DGKZ: variants seen among roughly 807,000 people sequenced by gnomAD.
The protein encoded by DGKZ is DAG kinase zeta.
A neutral mutation model predicts 142.5 loss-of-function variants in DGKZ; 45 were observed. The observed-to-expected ratio is 0.32, with a 90% CI of 0.25 to 0.40. The LOEUF (loss-of-function observed/expected upper bound fraction) is 0.40, where lower values mean the gene tolerates loss of function less well. Ranked by LOEUF, DGKZ falls within the 10% of genes least tolerant of loss-of-function variation. The pLI is 1.00. For missense variants in DGKZ, 755 were observed against 1,306.5 expected, an observed-to-expected ratio of 0.58 and a Z score of 6.51; for synonymous variants, 442 against 527.0, an observed-to-expected ratio of 0.84 and a Z score of 2.21.
intron 6 of DGKZ, among the ~76,000 whole-genome samples, chr11:46,371,081 A>G (rs966498359): frequency 6.6e-6 from 1 of 152,156 alleles, no homozygotes; most frequent in Non-Finnish European, 1.5e-5. Context: ...GCGAGACTCC[A>G]TCTCCAAACA....
At chr11:46,345,036 G>A (rs1940484205), upstream of DGKZ, among the ~76,000 whole-genome samples, 1 of 152,224 alleles carries the variant, frequency 6.6e-6, no homozygotes, top group Non-Finnish European at 1.5e-5. The surrounding 1 kb of genome is among the most constrained non-coding windows in gnomAD (Gnocchi z 4.1). Flanking sequence ...GCTAGGAAGA[G>A]AGCGCTCTTT....
At chr11:46,366,069 T>C (rs1365932731) in intron 1 of DGKZ, 2 of 985,270 alleles carry the variant, frequency 2.0e-6, no homozygotes, top group Non-Finnish European at 1.2e-6. Flanking sequence ...GGTCAGAGGC[T>C]GCAGTGACCC....
chr11:46,354,194 G>A (rs1274082214), intron 1 of DGKZ, among the ~76,000 whole-genome samples: 4 of 152,152 alleles, frequency 2.6e-5, no homozygotes, highest in Admixed American at 6.5e-5. Context: ...CCCTCAAGGG[G>A]TCTTTTGTAG....
At chr11:46,339,412 A>G (rs1052617669) in intron 1 of DGKZ, among the ~76,000 whole-genome samples, 1 of 152,150 alleles carries the variant, frequency 6.6e-6, no homozygotes, top group African/African-American at 2.4e-5. Flanking sequence ...GGGTCCATCA[A>G]TTTTCTTTCC....
chr11:46,357,688 C>T (rs1269807664), intron 1 of DGKZ, among the ~76,000 whole-genome samples: 1 of 152,214 alleles, frequency 6.6e-6, no homozygotes, highest in African/African-American at 2.4e-5. Flanking sequence ...CCCAGGAGCT[C>T]GCGGTCTGGT....
At chr11:46,360,515 C>T (rs990387612) in intron 1 of DGKZ, among the ~76,000 whole-genome samples, 3 of 149,052 alleles carry the variant, frequency 2.0e-5, no homozygotes, top group Admixed American at 6.7e-5. Context: ...AGGCTGGGTG[C>T]GGTGGCTCAT....
intron 1 of DGKZ, among the ~76,000 whole-genome samples, chr11:46,358,847 T>TATA (rs1319440730): frequency 1.3e-5 from 2 of 152,230 alleles, no homozygotes; most frequent in African/African-American, 4.8e-5. Context: ...TTTGGTATTG[T>TATA]ATAATAACAT....
exon 31 of DGKZ, chr11:46,380,100 C>A: frequency 1.3e-6 from 1 of 791,342 alleles, no homozygotes; most frequent in Non-Finnish European, 2.0e-6. Context: ...CCGCCCAGAC[C>A]TAGGGCTGGA....
chr11:46,379,871 C>G, exon 31 of DGKZ: 1 of 1,610,556 alleles, frequency 6.2e-7, no homozygotes, highest in Non-Finnish European at 8.5e-7. Context: ...GCTCAGGACA[C>G]CGAGCTGGCC....
Position 46,375,073 on chromosome 11 carries a change from T to C in DGKZ, c.1710+28T>C, listed in dbSNP as rs781363436. On this transcript the variant is annotated intron_variant, in intron 19 of 30. Transcript: ENST00000527911. ...GAGTGGGCCCTGGGCCCATGGTGCC[T>C]GGGAGCACAGCCCAAAGGTGGAAGG... 91 of 1,550,688 alleles carry C rather than the reference T, an allele frequency of 5.9e-5. No homozygotes were observed. The East Asian group carries it at 2.1e-3, about 36-fold the overall frequency.
chr11:46,344,106 C>T (rs1029993245), upstream of DGKZ, among the ~76,000 whole-genome samples: 2 of 152,130 alleles, frequency 1.3e-5, no homozygotes, highest in African/African-American at 2.4e-5. Context: ...TCCACCACCA[C>T]ACCCAGCTAG....
rs118102951 is a variant in DGKZ at position 46,363,397 on chromosome 11, G to T, written c.162-3894G>T. Among the ~76,000 whole-genome samples the T allele has an allele frequency of 1.7e-3, 260 of 152,318 alleles. 1 individual carries two copies. Among genetic ancestry groups the T allele is most frequent in the Admixed American group, 3.5e-3 (54 of 15,302 alleles). Reference sequence around the variant, plus strand: ...CAGACACACAGGGAAACTGAGGCCCGTGAGGGGCCAACTTGCACACAGTCA... The same window carrying T: ...CAGACACACAGGGAAACTGAGGCCCTTGAGGGGCCAACTTGCACACAGTCA... On this transcript the variant is annotated intron_variant, in intron 1 of 30. Transcript: ENST00000527911.
intron 1 of DGKZ, chr11:46,365,017 G>T (rs1943092766): frequency 1.0e-6 from 1 of 985,474 alleles, no homozygotes; most frequent in Non-Finnish European, 1.2e-6. Context: ...ATCCATGCCA[G>T]GCAGGCTGCC....
chr11:46,352,425 C>T lies in DGKZ; in HGVS notation c.161+4605C>T, dbSNP rs75963791. 3.7e-3 allele frequency among the ~76,000 whole-genome samples: 564 copies of T among 152,336 alleles called. 1 individual carries two copies. The highest frequency in any genetic ancestry group is 0.013 in the African/African-American group (529 of 41,568). On this transcript the variant is annotated intron_variant, in intron 1 of 30. Transcript: ENST00000527911. Reference sequence around the variant, plus strand: ...GTTACCTGCAGCTCTAGCTGCCGGGCGGAGCCAATCAGTGCGGCCCAGGGC... The same window carrying T: ...GTTACCTGCAGCTCTAGCTGCCGGGTGGAGCCAATCAGTGCGGCCCAGGGC...
intron 1 of DGKZ, among the ~76,000 whole-genome samples, chr11:46,355,307 G>A (rs61882683): frequency 0.16 from 23,483 of 151,326 alleles, 1,865 homozygotes; most frequent in Middle Eastern, 0.17. Context: ...ACGGGGTTTC[G>A]CCATGTTAGC....
At chr11:46,378,881 G>C in intron 27 of DGKZ, 110 bp from the exon 28 acceptor site, 1 of 1,442,316 alleles carries the variant, frequency 6.9e-7, no homozygotes, top group South Asian at 1.4e-5. Flanking sequence ...ATGTGTGAGC[G>C]CACTCGTTTC....
intron 1 of DGKZ, among the ~76,000 whole-genome samples, chr11:46,363,779 G>T (rs935887596): frequency 6.6e-6 from 1 of 152,234 alleles, no homozygotes; most frequent in Non-Finnish European, 1.5e-5. Context: ...GACCAGGCAG[G>T]CAGGAAAGCT....
intron 25 of DGKZ, 63 bp downstream of exon 25, chr11:46,377,275 T>C: frequency 1.3e-6 from 2 of 1,512,564 alleles, no homozygotes; most frequent in Non-Finnish European, 1.8e-6. Context: ...AGCCGATGAC[T>C]TCTGAATCCC....
At chr11:46,364,067 C>T (rs532899819) in intron 1 of DGKZ, among the ~76,000 whole-genome samples, 33 of 152,346 alleles carry the variant, frequency 2.2e-4, no homozygotes, top group Admixed American at 3.3e-4. Context: ...GGGCCTGTCA[C>T]GTAGCAGGTG....
Sources: allele counts gnomAD v4.1 joint callset (sites outside exome capture counted in the v4.1 genomes callset), GRCh38; gene constraint gnomAD v4.1.1; non-coding constraint Gnocchi (gnomAD v3.1); transcripts MANE v1.5; gene names NCBI Gene and HGNC (gene_info 2026-07-23, HGNC 2026-07-21).